Variants in ARHGAP24 observed in about 807,000 individuals in gnomAD.
ARHGAP24 encodes the protein Rho GTPase activating protein 24.
A neutral mutation model predicts 76.4 loss-of-function variants in ARHGAP24; 50 were observed. The ratio of observed to expected loss-of-function variants is 0.65; its 90% CI spans 0.52 to 0.83. The LOEUF (loss-of-function observed/expected upper bound fraction) is 0.83, where lower values mean the gene tolerates loss of function less well. Ranked by LOEUF, ARHGAP24 falls within the 40% of genes least tolerant of loss-of-function variation. The pLI is 0.00. For synonymous variants in ARHGAP24, 345 were observed against 323.3 expected, an observed-to-expected ratio of 1.07 and a Z score of -0.72; for missense variants, 930 against 914.2, an observed-to-expected ratio of 1.02 and a Z score of -0.22.
rs1726323818 is a variant in ARHGAP24 at position 85,753,067 on chromosome 4, A to G, written c.268+31095A>G. 1.3e-5 allele frequency among the ~76,000 whole-genome samples: 2 copies of G among 152,212 alleles called. 1 individual carries two copies. The highest frequency in any genetic ancestry group is 4.1e-4 in the South Asian group (2 of 4,832). ...ATTTGGGAAAAGGTTTTCGATGGAT[A>G]TAAGAGGATGTGAGAGTGAAGAGAT... On this transcript the variant is annotated intron_variant, in intron 3 of 9. Coordinates refer to ENST00000395184, the MANE Select transcript of ARHGAP24 (RefSeq NM_001025616.3).
chr4:85,638,950 A>G (rs973690307), intron 2 of ARHGAP24, among the ~76,000 whole-genome samples: 6 of 152,174 alleles, frequency 3.9e-5, no homozygotes, highest in Non-Finnish European at 5.9e-5. Context: ...TCAGAATCTT[A>G]TTACCACTGT....
At chr4:85,483,554 G>A (rs916427635) in intron 1 of ARHGAP24, among the ~76,000 whole-genome samples, 2 of 152,174 alleles carry the variant, frequency 1.3e-5, no homozygotes, top group Non-Finnish European at 2.9e-5. Context: ...GGAGGTTGCA[G>A]TGAGCCGAGA....
Position 85,722,224 on chromosome 4 carries a change from A to G in ARHGAP24, c.268+252A>G, listed in dbSNP as rs200092669. The G allele has an allele frequency of 5.9e-5, 26 of 440,916 alleles. 1 individual carries two copies. In the East Asian group the frequency reaches 1.2e-3, roughly 20 times the overall value. The allele number at this position is 440,916 out of a possible 1,614,324, so 27.3% of individuals were successfully genotyped here. On this transcript the variant is annotated intron_variant, in intron 3 of 9. Coordinates refer to ENST00000395184, the MANE Select transcript of ARHGAP24 (RefSeq NM_001025616.3). ...GAGACTCCATAGTTGACCACAAGTCATGATACAGTATTTGTTCAGGACTAT... is the reference window on the plus strand; with the variant it reads ...GAGACTCCATAGTTGACCACAAGTCGTGATACAGTATTTGTTCAGGACTAT...
chr4:85,895,552 G>A (rs1038969712), intron 3 of ARHGAP24, among the ~76,000 whole-genome samples: 2 of 152,080 alleles, frequency 1.3e-5, no homozygotes, highest in Non-Finnish European at 2.9e-5. Flanking sequence ...CTTTTGGGGG[G>A]AAAATTTCTA....
chr4:85,797,892 C>T (rs1728431440), intron 3 of ARHGAP24, among the ~76,000 whole-genome samples: 1 of 152,164 alleles, frequency 6.6e-6, no homozygotes, highest in South Asian at 2.1e-4. Context: ...GGGGGCAAAA[C>T]AACCTTGAAT....
intron 3 of ARHGAP24, among the ~76,000 whole-genome samples, chr4:85,851,168 G>A (rs1731206705): frequency 6.6e-6 from 1 of 152,136 alleles, no homozygotes; most frequent in Non-Finnish European, 1.5e-5. Flanking sequence ...AATAGTTAGT[G>A]CTTCTTGTTG....
At chr4:85,980,889 T>C (rs1578462973) in intron 8 of ARHGAP24, among the ~76,000 whole-genome samples, 1 of 152,176 alleles carries the variant, frequency 6.6e-6, no homozygotes, top group South Asian at 2.1e-4. Context: ...GGCACCTTAG[T>C]ACAAATCAAG....
intron 2 of ARHGAP24, among the ~76,000 whole-genome samples, chr4:85,640,256 A>G (rs1721476248): frequency 6.6e-6 from 1 of 152,238 alleles, no homozygotes; most frequent in African/African-American, 2.4e-5. Flanking sequence ...AAACGAACCA[A>G]TTCTAAACCT....
Position 86,001,963 on chromosome 4 carries a change from C to A in ARHGAP24, c.*1241C>A, listed in dbSNP as rs1237110738. Reference sequence around the variant, plus strand: ...TACAATAATTTTAAAAGGTGAATGCCTAAAGTTCCAATTTTAGCAAATATG... The same window carrying A: ...TACAATAATTTTAAAAGGTGAATGCATAAAGTTCCAATTTTAGCAAATATG... On this transcript the variant is annotated 3_prime_UTR_variant, in exon 10 of 10. Transcript: ENST00000395184. 1 of 152,224 alleles carries A rather than the reference C, an allele frequency of 6.6e-6. No homozygotes were observed. Among genetic ancestry groups the A allele is most frequent in the Non-Finnish European group, 1.5e-5 (1 of 68,056 alleles). The allele number at this position is 152,224 out of a possible 1,614,324, so 9.4% of individuals were successfully genotyped here. A position where few individuals can be genotyped will look rare whatever the true frequency, so the allele number is the denominator to read the frequency against.
intron 3 of ARHGAP24, among the ~76,000 whole-genome samples, chr4:85,923,354 G>A (rs918829272): frequency 3.3e-5 from 5 of 152,246 alleles, no homozygotes; most frequent in East Asian, 1.9e-4. Context: ...GCAGCTTCGC[G>A]TGAATAGATT....
intron 1 of ARHGAP24, among the ~76,000 whole-genome samples, chr4:85,503,631 C>A (rs1260111795): frequency 1.3e-5 from 2 of 152,028 alleles, no homozygotes; most frequent in African/African-American, 4.8e-5. Flanking sequence ...GTGTTGCTAG[C>A]AGTCTATCAA....
At chr4:85,914,776 C>T (rs887536256) in intron 3 of ARHGAP24, among the ~76,000 whole-genome samples, 2 of 152,164 alleles carry the variant, frequency 1.3e-5, no homozygotes, top group Non-Finnish European at 1.5e-5. Flanking sequence ...TCAACAAACT[C>T]CCTGTCTTGC....
chr4:85,701,120 A>G (rs543323999), intron 2 of ARHGAP24, among the ~76,000 whole-genome samples: 1 of 152,326 alleles, frequency 6.6e-6, no homozygotes, highest in South Asian at 2.1e-4. Context: ...AAAGGTTTAT[A>G]GGAAAGGAGA....
At chr4:85,596,668 C>A (rs1719846300) in intron 2 of ARHGAP24, among the ~76,000 whole-genome samples, 1 of 151,966 alleles carries the variant, frequency 6.6e-6, no homozygotes, top group African/African-American at 2.4e-5. Flanking sequence ...ATCCAAGGGA[C>A]TGAAATCCTG....
At chr4:85,477,465 A>T (rs982076822) in intron 1 of ARHGAP24, among the ~76,000 whole-genome samples, 1 of 152,236 alleles carries the variant, frequency 6.6e-6, no homozygotes, top group African/African-American at 2.4e-5. Flanking sequence ...ACTAGAACAT[A>T]GATTTAAGTG....
chr4:85,602,018 AT>A lies in ARHGAP24; in HGVS notation c.180+31299del, dbSNP rs368012436. On this transcript the variant is annotated intron_variant, in intron 2 of 9. Coordinates refer to ENST00000395184, the MANE Select transcript of ARHGAP24 (RefSeq NM_001025616.3). ...ATAGGAAAAAGGACAGAGAGCAGAG[AT>A]TAGTGAACAGCCCACAAAGGCCCAG... Among the ~76,000 whole-genome samples the A allele has an allele frequency of 2.3e-3, 301 of 129,086 alleles. 1 individual carries two copies. The highest frequency in any genetic ancestry group is 8.7e-3 in the African/African-American group (293 of 33,700). The allele number at this position is 129,086 out of a possible 152,430, so 84.7% of individuals were successfully genotyped here.
chr4:85,842,883 G>T (rs894177901), intron 3 of ARHGAP24, among the ~76,000 whole-genome samples: 3 of 152,148 alleles, frequency 2.0e-5, no homozygotes, highest in Non-Finnish European at 2.9e-5. Context: ...TGGTGGGGTG[G>T]TATCAGTAAC....
At position 85,897,131 on chromosome 4, in the gene ARHGAP24, C is replaced by G. The variant is rs894005343; in HGVS notation, c.269-26517C>G. 2.6e-5 allele frequency among the ~76,000 whole-genome samples: 4 copies of G among 152,156 alleles called. 1 individual carries two copies. The highest frequency in any genetic ancestry group is 1.5e-5 in the Non-Finnish European group (1 of 68,026). On this transcript the variant is annotated intron_variant, in intron 3 of 9. Transcript: ENST00000395184. ...TGAAAAGACTTGAATGTCCCACTGT[C>G]TCTTCCCATAGGATGAGTTCTTGAA... is the stretch of plus-strand genomic sequence containing the variant.
intron 2 of ARHGAP24, among the ~76,000 whole-genome samples, chr4:85,692,473 A>C (rs929186853): frequency 1.3e-5 from 2 of 152,096 alleles, no homozygotes; most frequent in Non-Finnish European, 2.9e-5. Context: ...TGAGCCATAG[A>C]TTTGGTCTTT....
Sources: allele counts gnomAD v4.1 joint callset (sites outside exome capture counted in the v4.1 genomes callset), GRCh38; gene constraint gnomAD v4.1.1; transcripts MANE v1.5; gene names NCBI Gene and HGNC (gene_info 2026-07-23, HGNC 2026-07-21).